Variants in CHUK observed in about 807,000 individuals in gnomAD.
The protein encoded by CHUK is inhibitor of nuclear factor kappa-B kinase subunit alpha.
Under a neutral mutation model 104.8 loss-of-function variants are expected in CHUK, and 35 were observed. The ratio of observed to expected loss-of-function variants is 0.33; its 90% CI spans 0.26 to 0.44. The LOEUF (loss-of-function observed/expected upper bound fraction) is 0.44, where lower values mean the gene tolerates loss of function less well. CHUK is among the 20% of genes least tolerant of loss of function. CHUK has a pLI of 1.00. For missense variants in CHUK, 663 were observed against 902.7 expected, an observed-to-expected ratio of 0.73 and a Z score of 3.40; for synonymous variants, 276 against 291.9, an observed-to-expected ratio of 0.95 and a Z score of 0.56.
chr10:100,224,490 G>A (rs1846060820), intron 2 of CHUK, among the ~76,000 whole-genome samples: 2 of 151,558 alleles, frequency 1.3e-5, no homozygotes, highest in South Asian at 2.1e-4. Flanking sequence ...AGGCTGGAGT[G>A]CAGTGGTATG....
downstream of CHUK, chr10:100,186,901 T>G (rs1280792948): frequency 6.6e-6 from 1 of 150,940 alleles, no homozygotes; most frequent in African/African-American, 2.4e-5. Flanking sequence ...GGGGTGGGGG[T>G]GTGTGTGGGT....
intron 9 of CHUK, among the ~76,000 whole-genome samples, chr10:100,210,723 T>A (rs1343817852): frequency 6.6e-6 from 1 of 152,210 alleles, no homozygotes; most frequent in Non-Finnish European, 1.5e-5. Context: ...GTTACCTTTT[T>A]ATAAGACAAC....
At chr10:100,202,255 T>C (rs1845480122) in intron 13 of CHUK, 106 bp from the exon 14 acceptor site, 12 of 776,242 alleles carry the variant, frequency 1.5e-5, no homozygotes, top group South Asian at 5.6e-5. Flanking sequence ...ATGAGTTGAA[T>C]TGTGGTCCCC....
intron 16 of CHUK, among the ~76,000 whole-genome samples, chr10:100,198,345 C>A (rs1017156434): frequency 6.6e-6 from 1 of 152,156 alleles, no homozygotes; most frequent in Non-Finnish European, 1.5e-5. Context: ...ATATTAAAAA[C>A]CCATACTCAA....
At chr10:100,206,364 G>T (rs1040396464) in intron 11 of CHUK, among the ~76,000 whole-genome samples, 1 of 151,798 alleles carries the variant, frequency 6.6e-6, no homozygotes, top group East Asian at 1.9e-4. Context: ...TGCAACCTCC[G>T]CCTCCCAGGT....
At chr10:100,199,029 T>C (rs1334584405) in intron 16 of CHUK, among the ~76,000 whole-genome samples, 3 of 152,164 alleles carry the variant, frequency 2.0e-5, no homozygotes, top group African/African-American at 4.8e-5. Context: ...TTCAACCCCA[T>C]TTTGCAGAAG....
intron 18 of CHUK, chr10:100,193,757 G>C (rs1335004664): frequency 3.3e-6 from 2 of 604,540 alleles, no homozygotes; most frequent in Non-Finnish European, 5.8e-6. Context: ...TACCACAGTA[G>C]TCAAGGGCTA....
At chr10:100,213,901 T>G (rs1010418342) in intron 9 of CHUK, among the ~76,000 whole-genome samples, 5 of 152,236 alleles carry the variant, frequency 3.3e-5, no homozygotes, top group African/African-American at 1.2e-4. Context: ...CCAAATGTCA[T>G]AACACAATTG....
intron 15 of CHUK, 117 bp from the exon 16 acceptor site, chr10:100,200,137 G>A (rs1845428146): frequency 1.2e-6 from 1 of 812,356 alleles, no homozygotes; most frequent in Non-Finnish European, 2.2e-6. Flanking sequence ...AGTTCATATT[G>A]CCAACAAGTA....
At chr10:100,210,974 A>G (rs556852392) in intron 9 of CHUK, among the ~76,000 whole-genome samples, 10 of 152,350 alleles carry the variant, frequency 6.6e-5, no homozygotes, top group African/African-American at 2.2e-4. Context: ...GCCATACGAA[A>G]TTAATGCCTA....
chr10:100,222,737 CTTTA>C (rs2134248842), intron 3 of CHUK, 125 bp downstream of exon 3: 1 of 671,056 alleles, frequency 1.5e-6, no homozygotes, highest in South Asian at 1.5e-5. Flanking sequence ...TCCAATAAAA[CTTTA>C]TTTACAAAAC....
chr10:100,225,072 AC>A, intron 2 of CHUK, among the ~76,000 whole-genome samples: 1 of 151,752 alleles, frequency 6.6e-6, no homozygotes, highest in Non-Finnish European at 1.5e-5. Context: ...CTGGTCTCGA[AC>A]TCCTGAGCTC....
chr10:100,226,274 C>A (rs1163227489), intron 1 of CHUK, among the ~76,000 whole-genome samples: 1 of 152,040 alleles, frequency 6.6e-6, no homozygotes, highest in East Asian at 1.9e-4. Flanking sequence ...CAGGTCTTTT[C>A]AGAACTCTCT....
chr10:100,228,858 C>T (rs1189186759), intron 1 of CHUK, among the ~76,000 whole-genome samples: 1 of 152,020 alleles, frequency 6.6e-6, no homozygotes, highest in East Asian at 1.9e-4. Flanking sequence ...CATACTGTCC[C>T]GACCTGGAAT....
At chr10:100,224,890 C>T (rs979597493) in intron 2 of CHUK, among the ~76,000 whole-genome samples, 2 of 152,082 alleles carry the variant, frequency 1.3e-5, no homozygotes, top group African/African-American at 4.8e-5. Context: ...GCTCTTGTCA[C>T]CCAGGCTGGA....
chr10:100,207,415 CCTA>C, intron 10 of CHUK, 83 bp from the exon 11 acceptor site: 1 of 731,462 alleles, frequency 1.4e-6, no homozygotes, highest in Non-Finnish European at 2.5e-6. Flanking sequence ...CACCAGATTT[CCTA>C]CTTTGAAATG....
chr10:100,211,161 G>T (rs1236539015), intron 9 of CHUK, among the ~76,000 whole-genome samples: 1 of 151,926 alleles, frequency 6.6e-6, no homozygotes, highest in Non-Finnish European at 1.5e-5. Context: ...AGTACAATAA[G>T]CCCCCTCCCA....
intron 14 of CHUK, among the ~76,000 whole-genome samples, chr10:100,201,441 C>G (rs1339642169): frequency 1.3e-5 from 2 of 152,170 alleles, no homozygotes; most frequent in Non-Finnish European, 2.9e-5. Context: ...GGGACAGTCC[C>G]AGGTAAACCA....
Position 100,229,569 on chromosome 10 carries a change from G to C in CHUK, c.-37C>G, listed in dbSNP as rs1846192055. 2.9e-6 allele frequency: 4 copies of C among 1,356,248 alleles called. No homozygotes were observed. The highest frequency in any genetic ancestry group is 4.0e-6 in the Non-Finnish European group (4 of 995,006). 84.0% of individuals were successfully genotyped at this position (1,356,248 alleles called of 1,614,324 possible). On this transcript the variant is annotated 5_prime_UTR_variant, in exon 1 of 21. Transcript: ENST00000370397. ...GCAAGCGGCCTCAGGTTCCACAGTT[G>C]TTCCAAGGCCGGTTCCGGGCCGCCG...
Sources: allele counts gnomAD v4.1 joint callset (sites outside exome capture counted in the v4.1 genomes callset), GRCh38; gene constraint gnomAD v4.1.1; transcripts MANE v1.5; gene names NCBI Gene and HGNC (gene_info 2026-07-23, HGNC 2026-07-21).